The following ZBTB8OS variants were observed in gnomAD, a reference collection of about 807,000 sequenced individuals.
ZBTB8OS encodes tRNA-splicing ligase-activating factor archease.
Under a neutral mutation model 29.3 loss-of-function variants are expected in ZBTB8OS, and 16 were observed. The ratio of observed to expected loss-of-function variants is 0.55; its 90% CI spans 0.37 to 0.83. The LOEUF is 0.83. Ranked by LOEUF, ZBTB8OS falls within the 40% of genes least tolerant of loss-of-function variation. The pLI is 0.00. For missense variants in ZBTB8OS, 160 were observed against 196.9 expected (o/e 0.81, Z 1.12); for synonymous variants, 70 against 64.6 (o/e 1.08, Z -0.40).
chr1:32,634,065 C>A lies in ZBTB8OS; in HGVS notation c.130G>T (p.Ala44Ser). ...LDHTADVQLH[A>S]WGDTLEEAFE... ...GCTTCCTCCAGAGTATCTCCCCATGCGTGTAACCTAAAGAAGTATATTCAT... is the reference window on the plus strand; with the variant it reads ...GCTTCCTCCAGAGTATCTCCCCATGAGTGTAACCTAAAGAAGTATATTCAT... Residue 44 changes from alanine to serine, a missense_variant, in exon 3 of 7, where the codon GCA becomes TCA. By Grantham distance (99) the Ala-to-Ser change is moderately conservative (BLOSUM62 1). Coordinates refer to ENST00000468695, the MANE Select transcript of ZBTB8OS (RefSeq NM_178547.5). 3.8e-6 allele frequency: 6 copies of A among 1,565,694 alleles called. No individual in the cohort carries two copies. Among genetic ancestry groups the A allele is most frequent in the Non-Finnish European group, 5.2e-6 (6 of 1,164,724 alleles).
intron 6 of ZBTB8OS, 61 bp from the exon 7 acceptor site, chr1:32,622,009 C>G (rs1644790609): frequency 8.4e-7 from 1 of 1,187,718 alleles, no homozygotes; most frequent in East Asian, 2.5e-5. Flanking sequence ...AAATCATAAT[C>G]ATTAACTCTA....
rs1644765567 is a variant in ZBTB8OS at position 32,621,703 on chromosome 1, AT to A, written c.*158del. The A allele has an allele frequency of 1.6e-6, 1 of 621,700 alleles. No individual in the cohort carries two copies. The allele number at this position is 621,700 out of a possible 1,614,324, so 38.5% of individuals were successfully genotyped here. A position where few individuals can be genotyped will look rare whatever the true frequency, so the allele number is the denominator to read the frequency against. ...GAACACAGACCAAGGCTGTGCCCTG[AT>A]TTTCCCTTTCTGAAAGTCACACTTT... On this transcript the variant is annotated 3_prime_UTR_variant, in exon 7 of 7. Transcript: ENST00000468695.
At chr1:32,643,499 C>A (rs1646596025) in intron 1 of ZBTB8OS, among the ~76,000 whole-genome samples, 1 of 151,300 alleles carries the variant, frequency 6.6e-6, no homozygotes, top group Admixed American at 6.6e-5. Flanking sequence ...CTCAAGAGAT[C>A]CCTCCTGCCT....
At chr1:32,634,104 C>A in intron 2 of ZBTB8OS, 32 bp from the exon 3 acceptor site, 1 of 1,402,536 alleles carries the variant, frequency 7.1e-7, no homozygotes, top group Non-Finnish European at 9.3e-7. Context: ...CTGTGTAATA[C>A]AATCCACTGC....
intron 1 of ZBTB8OS, among the ~76,000 whole-genome samples, chr1:32,643,957 A>C (rs1361962300): frequency 6.6e-6 from 1 of 152,100 alleles, no homozygotes; most frequent in East Asian, 1.9e-4. Context: ...AGACAAATTA[A>C]GAGTCTTTTA....
At position 32,631,816 on chromosome 1, in the gene ZBTB8OS, T is replaced by C; in HGVS notation, c.380+11A>G. 1 of 1,587,190 alleles carries C rather than the reference T, an allele frequency of 6.3e-7. No individual in the cohort carries two copies. On this transcript the variant is annotated intron_variant, in intron 5 of 6. Coordinates refer to ENST00000468695, the MANE Select transcript of ZBTB8OS (RefSeq NM_178547.5). ...CTTTAACTCGGTACTTAAAAGACTT[T>C]CAAAACTTACCCAATTGATCGTAAT...
chr1:32,627,422 G>C, intron 6 of ZBTB8OS, 86 bp downstream of exon 6: 1 of 1,203,748 alleles, frequency 8.3e-7, no homozygotes, highest in South Asian at 1.2e-5. Flanking sequence ...ACACCAGTTA[G>C]AACTAACTGA....
chr1:32,624,856 T>C (rs1644997934), intron 6 of ZBTB8OS, among the ~76,000 whole-genome samples: 1 of 149,940 alleles, frequency 6.7e-6, no homozygotes, highest in African/African-American at 2.5e-5. Flanking sequence ...ATTACACCAC[T>C]GCACTCCAGC....
At chr1:32,644,243 G>A (rs1300216937) in intron 1 of ZBTB8OS, among the ~76,000 whole-genome samples, 1 of 152,114 alleles carries the variant, frequency 6.6e-6, no homozygotes, top group African/African-American at 2.4e-5. Flanking sequence ...GATATAGCTT[G>A]CCACAGTATC....
intron 1 of ZBTB8OS, among the ~76,000 whole-genome samples, chr1:32,647,586 T>C (rs1370900829): frequency 6.6e-6 from 1 of 152,142 alleles, no homozygotes; most frequent in East Asian, 1.9e-4. Context: ...CAGCTCCCCA[T>C]TGCTAACATT....
Position 32,621,787 on chromosome 1 carries a change from A to T in ZBTB8OS, c.*75T>A. 9.9e-7 allele frequency: 1 copy of T among 1,011,914 alleles called. No individual in the cohort carries two copies. The highest frequency in any genetic ancestry group is 1.5e-6 in the Non-Finnish European group (1 of 670,096). 62.7% of individuals were successfully genotyped at this position (1,011,914 alleles called of 1,614,324 possible). A position where few individuals can be genotyped will look rare whatever the true frequency, so the allele number is the denominator to read the frequency against. On this transcript the variant is annotated 3_prime_UTR_variant, in exon 7 of 7. Transcript: ENST00000468695. Reference sequence around the variant, plus strand: ...ATATCAAAAAAAAGCTGTAGAATTTAATTCATAGTGTCTTCTCAAAAGGAA... The same window carrying T: ...ATATCAAAAAAAAGCTGTAGAATTTTATTCATAGTGTCTTCTCAAAAGGAA...
chr1:32,621,065 A>G lies in ZBTB8OS; in HGVS notation c.*797T>C, dbSNP rs1244870329. ...GGAATACAGGATAGCTCTGTCCTAT[A>G]GCAACCTAAACCAGCACCTCCCTTG... On this transcript the variant is annotated 3_prime_UTR_variant, in exon 7 of 7. Transcript: ENST00000468695. 1 of 152,240 alleles carries G rather than the reference A, an allele frequency of 6.6e-6. No homozygotes were observed. Among genetic ancestry groups the G allele is most frequent in the Non-Finnish European group, 1.5e-5 (1 of 68,058 alleles). The allele number at this position is 152,240 out of a possible 1,614,324, so 9.4% of individuals were successfully genotyped here.
At chr1:32,642,269 C>T (rs1310702295) in intron 1 of ZBTB8OS, among the ~76,000 whole-genome samples, 2 of 152,102 alleles carry the variant, frequency 1.3e-5, no homozygotes, top group African/African-American at 4.8e-5. Flanking sequence ...TTTGGGAGGC[C>T]AAGGCAGGCA....
chr1:32,644,414 A>T (rs1557815275), intron 1 of ZBTB8OS, among the ~76,000 whole-genome samples: 1 of 152,018 alleles, frequency 6.6e-6, no homozygotes, highest in Non-Finnish European at 1.5e-5. Context: ...TGATTAAGGG[A>T]AAAGGGAGAG....
In ZBTB8OS at chr1:32,623,067, T is replaced by A. The variant is rs1353705761; in HGVS notation, c.418-1119A>T. ...AGAATTAGATGTTCTCTTAGGTTCT[T>A]TCCAGCTCCAAAAGGAATCTACAAT... On this transcript the variant is annotated intron_variant, in intron 6 of 6. Coordinates refer to ENST00000468695, the MANE Select transcript of ZBTB8OS (RefSeq NM_178547.5). Among the ~76,000 whole-genome samples the A allele has an allele frequency of 2.0e-5, 3 of 152,204 alleles. No individual in the cohort carries two copies. The East Asian group carries it at 5.8e-4, about 29-fold the overall frequency.
At chr1:32,624,228 C>G (rs559286747) in intron 6 of ZBTB8OS, among the ~76,000 whole-genome samples, 9 of 152,260 alleles carry the variant, frequency 5.9e-5, no homozygotes, top group Non-Finnish European at 1.3e-4. Context: ...CATATATTTT[C>G]TGACTACCCC....
intron 1 of ZBTB8OS, among the ~76,000 whole-genome samples, chr1:32,641,126 C>T (rs929142601): frequency 1.3e-5 from 2 of 151,632 alleles, no homozygotes; most frequent in Admixed American, 6.6e-5. Context: ...AAGCCGAGAT[C>T]GTGCCACTGC....
At chr1:32,634,868 C>A in intron 1 of ZBTB8OS, 76 bp from the exon 2 acceptor site, 1 of 988,724 alleles carries the variant, frequency 1.0e-6, no homozygotes, top group South Asian at 1.3e-5. Context: ...TAACTCTAGT[C>A]CATTATTATT....
chr1:32,638,480 G>T (rs1646160219), intron 1 of ZBTB8OS, among the ~76,000 whole-genome samples: 1 of 152,038 alleles, frequency 6.6e-6, no homozygotes, highest in African/African-American at 2.4e-5. Context: ...GTGAGCCACT[G>T]CGACCAGCCC....
Sources: gnomAD v4.1 joint callset for allele counts (sites outside exome capture counted in the v4.1 genomes callset) on GRCh38, gnomAD v4.1.1 for gene constraint, MANE v1.5 for transcripts, NCBI Gene and HGNC (gene_info 2026-07-23, HGNC 2026-07-21) for gene names.